The following SLC24A2 variants were observed in gnomAD, a reference collection of about 807,000 sequenced individuals.
SLC24A2 encodes solute carrier family 24 member 2.
A neutral mutation model predicts 62.0 loss-of-function variants in SLC24A2; 36 were observed. That is an observed-to-expected ratio of 0.58 (90% CI 0.44 to 0.77). SLC24A2 has a LOEUF of 0.77. Among genes scored for constraint, SLC24A2 ranks in the 30% least tolerant of loss-of-function variants. SLC24A2 has a pLI of 0.00. For missense variants in SLC24A2, 846 were observed against 817.9 expected (o/e 1.03, Z -0.42); for synonymous variants, 358 against 294.0 (o/e 1.22, Z -2.23).
the SLC24A2 span, among the ~76,000 whole-genome samples, chr9:19,920,206 TCTC>T: frequency 1.3e-5 from 2 of 152,168 alleles, no homozygotes; most frequent in African/African-American, 4.8e-5. Flanking sequence ...AAATAAATGA[TCTC>T]CTCCATTACC....
chr9:19,520,768 T>G, intron 10 of SLC24A2, 126 bp downstream of exon 10: 1 of 860,550 alleles, frequency 1.2e-6, no homozygotes, highest in Non-Finnish European at 2.0e-6. Flanking sequence ...GTATTCTCAA[T>G]CTTTACTCTG....
At chr9:20,304,790 G>T in the SLC24A2 span, among the ~76,000 whole-genome samples, 2 of 152,188 alleles carry the variant, frequency 1.3e-5, no homozygotes, top group African/African-American at 4.8e-5. Context: ...AGAGAGAGAA[G>T]AAACAAGTAA....
the SLC24A2 span, among the ~76,000 whole-genome samples, chr9:19,860,760 C>G: frequency 6.6e-6 from 1 of 152,110 alleles, no homozygotes; most frequent in Non-Finnish European, 1.5e-5. Flanking sequence ...GACAAGCTAA[C>G]TGAAGAGCCC....
At chr9:20,151,471 T>C in the SLC24A2 span, among the ~76,000 whole-genome samples, 1 of 151,984 alleles carries the variant, frequency 6.6e-6, no homozygotes, top group Non-Finnish European at 1.5e-5. Context: ...TATCTTGGCT[T>C]TTCTTTTATG....
chr9:19,809,338 G>A, the SLC24A2 span, among the ~76,000 whole-genome samples: 1 of 152,108 alleles, frequency 6.6e-6, no homozygotes. Flanking sequence ...AGATGCAACA[G>A]AGTAAAAATA....
chr9:19,535,048 A>G (rs1833891127), intron 8 of SLC24A2, among the ~76,000 whole-genome samples: 2 of 152,120 alleles, frequency 1.3e-5, no homozygotes, highest in Admixed American at 6.5e-5. Context: ...AATGATCACC[A>G]TTCTAACTGG....
At chr9:19,630,677 C>CA (rs551597926) in intron 2 of SLC24A2, among the ~76,000 whole-genome samples, 7 of 151,690 alleles carry the variant, frequency 4.6e-5, no homozygotes, top group African/African-American at 1.7e-4. Flanking sequence ...TCCATATAGG[C>CA]AAAAAAATAG....
At chr9:19,910,808 C>G in the SLC24A2 span, among the ~76,000 whole-genome samples, 1 of 151,958 alleles carries the variant, frequency 6.6e-6, no homozygotes, top group South Asian at 2.1e-4. Context: ...AATTGTTGTT[C>G]TTCCTCTATG....
At chr9:19,844,463 C>T in the SLC24A2 span, among the ~76,000 whole-genome samples, 2 of 151,988 alleles carry the variant, frequency 1.3e-5, no homozygotes, top group Non-Finnish European at 1.5e-5. Flanking sequence ...ATTCTATAGG[C>T]TGTCTGTTTA....
At chr9:20,219,243 G>A in the SLC24A2 span, among the ~76,000 whole-genome samples, 1 of 152,188 alleles carries the variant, frequency 6.6e-6, no homozygotes, top group Admixed American at 6.5e-5. Context: ...TGAGCTGAGG[G>A]AGGACTCACT....
the SLC24A2 span, among the ~76,000 whole-genome samples, chr9:20,182,574 G>A: frequency 6.6e-6 from 1 of 152,190 alleles, no homozygotes; most frequent in African/African-American, 2.4e-5. Flanking sequence ...CCATAAGTGG[G>A]AGTTGAACAA....
chr9:19,526,158 A>T (rs1282513117), intron 9 of SLC24A2, among the ~76,000 whole-genome samples: 1 of 152,054 alleles, frequency 6.6e-6, no homozygotes, highest in Non-Finnish European at 1.5e-5. Context: ...TTCGAATTTC[A>T]CTCATGTTGT....
At chr9:20,014,494 T>TGATA in the SLC24A2 span, among the ~76,000 whole-genome samples, 3 of 97,610 alleles carry the variant, frequency 3.1e-5, no homozygotes, top group South Asian at 8.9e-4. Flanking sequence ...AAGAAAAATG[T>TGATA]GATATATATA....
the SLC24A2 span, among the ~76,000 whole-genome samples, chr9:20,138,429 T>C: frequency 1.3e-5 from 2 of 152,184 alleles, no homozygotes; most frequent in African/African-American, 4.8e-5. Context: ...TAGAAACTAG[T>C]TTTTAAATCA....
chr9:19,533,280 T>C (rs1228444434), intron 8 of SLC24A2, among the ~76,000 whole-genome samples: 1 of 152,158 alleles, frequency 6.6e-6, no homozygotes, highest in Non-Finnish European at 1.5e-5. Flanking sequence ...GGGGCAAATA[T>C]GTATTAGTTA....
At chr9:19,955,412 T>A in the SLC24A2 span, among the ~76,000 whole-genome samples, 6 of 150,572 alleles carry the variant, frequency 4.0e-5, no homozygotes, top group Non-Finnish European at 7.4e-5. Context: ...TTTATTGAGA[T>A]GTTAGTAAGG....
upstream of SLC24A2, among the ~76,000 whole-genome samples, chr9:19,790,291 T>A (rs1444852273): frequency 6.6e-6 from 1 of 152,180 alleles, no homozygotes; most frequent in Non-Finnish European, 1.5e-5. Context: ...GAAAGTAGTA[T>A]AATGAATCTC....
At chr9:19,754,707 G>A (rs1822086384) in intron 2 of SLC24A2, among the ~76,000 whole-genome samples, 1 of 151,314 alleles carries the variant, frequency 6.6e-6, no homozygotes, top group Non-Finnish European at 1.5e-5. Context: ...GCACTGAATG[G>A]CAGGGCCCTG....
chr9:19,830,076 C>G, the SLC24A2 span, among the ~76,000 whole-genome samples: 2 of 151,986 alleles, frequency 1.3e-5, no homozygotes, highest in Admixed American at 1.3e-4. Flanking sequence ...GGGAGCCAGT[C>G]CACGGTGGAT....
Sources: gnomAD v4.1 joint callset for allele counts (sites outside exome capture counted in the v4.1 genomes callset) on GRCh38, gnomAD v4.1.1 for gene constraint, MANE v1.5 for transcripts, NCBI Gene and HGNC (gene_info 2026-07-23, HGNC 2026-07-21) for gene names.